The following ELFN1 variants were observed in gnomAD, a reference collection of about 807,000 sequenced individuals.
ELFN1 encodes protein ELFN1.
In ELFN1, 6 loss-of-function variants were observed where a neutral mutation model predicts 7.6. The observed-to-expected ratio is 0.79, with a 90% confidence interval of 0.43 to 1.56. The LOEUF is 1.56. ELFN1 is among the 40% of genes most tolerant of loss of function. The pLI, the probability that ELFN1 is intolerant of heterozygous loss-of-function variation, is 0.01. For synonymous variants in ELFN1, 657 were observed against 588.1 expected (o/e 1.12, Z -1.70); for missense variants, 1,169 against 1,232.2 (o/e 0.95, Z 0.77).
chr7:1,722,466 AC>A (rs1384149889), intron 3 of ELFN1, among the ~76,000 whole-genome samples: 2 of 151,604 alleles, frequency 1.3e-5, no homozygotes, highest in Non-Finnish European at 2.9e-5. Flanking sequence ...ACAGGATTTC[AC>A]CATATGGGTC....
intron 2 of ELFN1, among the ~76,000 whole-genome samples, chr7:1,690,858 G>A (rs1779147378): frequency 6.6e-6 from 1 of 152,138 alleles, no homozygotes; most frequent in Non-Finnish European, 1.5e-5. Flanking sequence ...GTAAGTGGGT[G>A]GATGCTAGAA....
chr7:1,739,241 G>C lies in ELFN1; in HGVS notation c.-293-5063G>C, dbSNP rs1780538776. On this transcript the variant is annotated intron_variant, in intron 3 of 3. Coordinates refer to ENST00000424383, the MANE Select transcript of ELFN1 (RefSeq NM_001128636.4). The surrounding 1 kb of genome is among the most constrained non-coding windows in gnomAD (Gnocchi z 4.6). Reference sequence around the variant, plus strand: ...ATGGATTGTGGGTGCCAGGAGACCAGGTGGTACCTTGGGCGTCGTCCCCGC... The same window carrying C: ...ATGGATTGTGGGTGCCAGGAGACCACGTGGTACCTTGGGCGTCGTCCCCGC... The C allele has an allele frequency of 6.6e-6, 1 of 152,350 alleles. No individual in the cohort carries two copies. Among genetic ancestry groups the C allele is most frequent in the Admixed American group, 6.5e-5 (1 of 15,282 alleles). The allele number at this position is 152,350 out of a possible 1,614,324, so 9.4% of individuals were successfully genotyped here.
At chr7:1,726,152 G>T (rs886296775) in intron 3 of ELFN1, among the ~76,000 whole-genome samples, 1 of 152,116 alleles carries the variant, frequency 6.6e-6, no homozygotes, top group Non-Finnish European at 1.5e-5. Flanking sequence ...AGAACGCAGG[G>T]CTCCAAGGTC....
At chr7:1,681,824 A>G (rs1466333251) in intron 1 of ELFN1, among the ~76,000 whole-genome samples, 1 of 152,146 alleles carries the variant, frequency 6.6e-6, no homozygotes, top group African/African-American at 2.4e-5. Flanking sequence ...ATGTGGTTTA[A>G]ATTTGCATTT....
chr7:1,737,360 C>T (rs951976346), intron 3 of ELFN1, among the ~76,000 whole-genome samples: 1 of 152,066 alleles, frequency 6.6e-6, no homozygotes, highest in African/African-American at 2.4e-5. Context: ...AGGAGATGAA[C>T]ACGGACCCTC....
At chr7:1,743,466 T>C (rs1303512194) in intron 3 of ELFN1, among the ~76,000 whole-genome samples, 1 of 152,070 alleles carries the variant, frequency 6.6e-6, no homozygotes, top group African/African-American at 2.4e-5. Flanking sequence ...GTGGCCCCTA[T>C]CCACCAAGGT....
At chr7:1,726,851 C>T (rs1475055642) in intron 3 of ELFN1, among the ~76,000 whole-genome samples, 4 of 152,220 alleles carry the variant, frequency 2.6e-5, no homozygotes, top group Non-Finnish European at 4.4e-5. Flanking sequence ...CGTCCCGATT[C>T]TTCCGTAGGG....
chr7:1,724,550 A>G (rs2128595095), intron 3 of ELFN1, among the ~76,000 whole-genome samples: 1 of 152,150 alleles, frequency 6.6e-6, no homozygotes, highest in East Asian at 1.9e-4. Flanking sequence ...AAACTCTCAA[A>G]TTTCGCCCAA....
At chr7:1,687,611 A>G (rs989960892) in intron 1 of ELFN1, among the ~76,000 whole-genome samples, 1 of 152,212 alleles carries the variant, frequency 6.6e-6, no homozygotes, top group African/African-American at 2.4e-5. Flanking sequence ...AATGGATGGT[A>G]TATTTCAATA....
chr7:1,713,751 A>C (rs573961783), intron 3 of ELFN1, among the ~76,000 whole-genome samples: 3 of 150,804 alleles, frequency 2.0e-5, no homozygotes, highest in Admixed American at 6.6e-5. Flanking sequence ...CTCTCTGGGG[A>C]GGGGGGGGCG....
In ELFN1 at chr7:1,703,846, T is replaced by C. The variant is rs148112755; in HGVS notation, c.-455-5245T>C. ...GGAGGTCTCTGTGTATGTTTGAGAC[T>C]CGGTTTCCCAGTCTGTGAAATGCGG... On this transcript the variant is annotated intron_variant, in intron 2 of 3. Coordinates refer to ENST00000424383, the MANE Select transcript of ELFN1 (RefSeq NM_001128636.4). Among the ~76,000 whole-genome samples the C allele has an allele frequency of 4.7e-3, 716 of 152,308 alleles. 7 individuals are homozygous for C. Among genetic ancestry groups the C allele is most frequent in the African/African-American group, 0.016 (667 of 41,554 alleles).
chr7:1,688,161 C>T lies in ELFN1; in HGVS notation c.-456+11C>T, dbSNP rs1432160057. ...GTGCTGGGATTACAGGTATGAGCCA[C>T]TGCACCTGGCCCCATTTTTCTATTG... On this transcript the variant is annotated intron_variant, in intron 2 of 3. Transcript: ENST00000424383. 1 of 151,700 alleles carries T rather than the reference C, an allele frequency of 6.6e-6. No individual in the cohort carries two copies. Among genetic ancestry groups the T allele is most frequent in the Admixed American group, 6.6e-5 (1 of 15,200 alleles). 9.4% of individuals were successfully genotyped at this position (151,700 alleles called of 1,614,324 possible).
rs2272468 is a variant in ELFN1 at position 1,709,506 on chromosome 7, G to A, written c.-294+254G>A. On this transcript the variant is annotated intron_variant, in intron 3 of 3. Coordinates refer to ENST00000424383, the MANE Select transcript of ELFN1 (RefSeq NM_001128636.4). The stretch of plus-strand genomic sequence containing the variant: ...GGAGCCTGGGGCTGCCGGGGGACCC[G>A]GAAATAGTCTAAGTAGGTGGTGGCC... Among the ~76,000 whole-genome samples the A allele has an allele frequency of 3.2e-4, 49 of 152,368 alleles. No individual in the cohort carries two copies. In the East Asian group the frequency reaches 8.3e-3, roughly 26 times the overall value.
At chr7:1,712,525 A>G (rs1046995136) in intron 3 of ELFN1, among the ~76,000 whole-genome samples, 2 of 150,996 alleles carry the variant, frequency 1.3e-5, no homozygotes, top group East Asian at 1.9e-4. Context: ...TCCACCTCCA[A>G]TTTTCAAGTG....
chr7:1,706,353 C>T (rs1361103492), intron 2 of ELFN1, among the ~76,000 whole-genome samples: 1 of 152,170 alleles, frequency 6.6e-6, no homozygotes, highest in East Asian at 1.9e-4. Flanking sequence ...ACCCAGGAGG[C>T]AGAGTTTGCA....
intron 2 of ELFN1, among the ~76,000 whole-genome samples, chr7:1,698,242 A>G (rs1234360671): frequency 6.6e-6 from 1 of 152,190 alleles, no homozygotes; most frequent in Admixed American, 6.5e-5. Context: ...TTCTACTTCT[A>G]ATAAGCACTT....
chr7:1,708,355 T>G (rs1779581138), intron 2 of ELFN1, among the ~76,000 whole-genome samples: 1 of 152,216 alleles, frequency 6.6e-6, no homozygotes, highest in South Asian at 2.1e-4. Flanking sequence ...CTGGGATTGA[T>G]CCAGTGGGTG....
chr7:1,689,442 CCAAG>C (rs1199866867), intron 2 of ELFN1, among the ~76,000 whole-genome samples: 1 of 152,178 alleles, frequency 6.6e-6, no homozygotes, highest in East Asian at 1.9e-4. Context: ...GGCTCAGTCC[CCAAG>C]CCACTGGTTG....
chr7:1,673,048 C>T lies in ELFN1; in HGVS notation c.-549+2694C>T, dbSNP rs1401783436. Among the ~76,000 whole-genome samples, 5 of 152,048 alleles carry T rather than the reference C, an allele frequency of 3.3e-5. No homozygotes were observed. The highest frequency in any genetic ancestry group is 2.1e-4 in the South Asian group (1 of 4,800). On this transcript the variant is annotated intron_variant, in intron 1 of 3. Coordinates refer to ENST00000424383, the MANE Select transcript of ELFN1 (RefSeq NM_001128636.4). The surrounding 1 kb of genome is among the most constrained non-coding windows in gnomAD (Gnocchi z 4.7). ...GTGAACCTGGAGCGGATGGTGGCAC[C>T]GCCGCGGACATTGGATACATTTGTC... is the stretch of plus-strand genomic sequence containing the variant.
Sources: allele counts gnomAD v4.1 joint callset (sites outside exome capture counted in the v4.1 genomes callset), GRCh38; gene constraint gnomAD v4.1.1; non-coding constraint Gnocchi (gnomAD v3.1); transcripts MANE v1.5; gene names NCBI Gene and HGNC (gene_info 2026-07-23, HGNC 2026-07-21).